GALNTL6: variants seen among roughly 807,000 people sequenced by gnomAD.
GALNTL6 encodes polypeptide N-acetylgalactosaminyltransferase like 6.
A neutral mutation model predicts 73.7 loss-of-function variants in GALNTL6; 46 were observed. The ratio of observed to expected loss-of-function variants is 0.62; its 90% confidence interval spans 0.49 to 0.80. The LOEUF (loss-of-function observed/expected upper bound fraction) is 0.80, where lower values mean the gene tolerates loss of function less well. GALNTL6 is among the 30% of genes least tolerant of loss of function. The pLI is 0.00. For missense variants in GALNTL6, 604 were observed against 755.0 expected (o/e 0.80, Z 2.34); for synonymous variants, 259 against 263.7 (o/e 0.98, Z 0.17).
At chr4:172,936,444 GAAAT>G (rs1472573715) in intron 9 of GALNTL6, among the ~76,000 whole-genome samples, 3 of 152,160 alleles carry the variant, frequency 2.0e-5, no homozygotes, top group African/African-American at 7.2e-5. Context: ...GCAAGAGAAA[GAAAT>G]AGAGTATTCA....
At chr4:172,816,288 A>G (rs1158324568) in intron 7 of GALNTL6, among the ~76,000 whole-genome samples, 1 of 152,250 alleles carries the variant, frequency 6.6e-6, no homozygotes, top group Non-Finnish European at 1.5e-5. Context: ...AAGTTTATCA[A>G]ATGTCTTAAG....
At chr4:172,083,019 T>A (rs1052756072) in intron 2 of GALNTL6, among the ~76,000 whole-genome samples, 2 of 152,200 alleles carry the variant, frequency 1.3e-5, no homozygotes, top group African/African-American at 4.8e-5. Flanking sequence ...CTTCTTCCTC[T>A]CAGCTCATAG....
At chr4:172,816,714 G>A (rs529279312) in intron 7 of GALNTL6, among the ~76,000 whole-genome samples, 1 of 152,158 alleles carries the variant, frequency 6.6e-6, no homozygotes, top group African/African-American at 2.4e-5. Flanking sequence ...AAGGGATCCT[G>A]TTTTTCAACA....
chr4:172,312,577 C>G (rs1740400049), intron 4 of GALNTL6, among the ~76,000 whole-genome samples: 1 of 152,022 alleles, frequency 6.6e-6, no homozygotes, highest in South Asian at 2.1e-4. Context: ...CCAAAAACTT[C>G]CCTATGGAAA....
intron 2 of GALNTL6, among the ~76,000 whole-genome samples, chr4:171,972,485 T>A (rs1442058392): frequency 6.6e-6 from 1 of 152,152 alleles, no homozygotes; most frequent in Admixed American, 6.5e-5. Flanking sequence ...TTTGCCTGTT[T>A]GATCAGAAAA....
intron 3 of GALNTL6, among the ~76,000 whole-genome samples, chr4:172,283,176 A>G (rs1739124583): frequency 6.6e-6 from 1 of 152,194 alleles, no homozygotes; most frequent in African/African-American, 2.4e-5. Context: ...CTCTGTAAAC[A>G]CATGAGTGAG....
At chr4:172,720,346 G>T (rs930598733) in intron 5 of GALNTL6, among the ~76,000 whole-genome samples, 2 of 150,278 alleles carry the variant, frequency 1.3e-5, no homozygotes, top group African/African-American at 5.0e-5. Flanking sequence ...CTGCTAGAGT[G>T]CTTCCCGCCC....
At chr4:172,130,384 A>G (rs920673460) in intron 2 of GALNTL6, among the ~76,000 whole-genome samples, 2 of 152,022 alleles carry the variant, frequency 1.3e-5, no homozygotes, top group Non-Finnish European at 2.9e-5. Flanking sequence ...GGTAATCTGT[A>G]AAAAGATAAT....
At chr4:172,260,895 T>C (rs1427474210) in intron 3 of GALNTL6, among the ~76,000 whole-genome samples, 1 of 151,604 alleles carries the variant, frequency 6.6e-6, no homozygotes. Flanking sequence ...GTTTATGTGA[T>C]GTATCACAAT....
At chr4:172,348,928 A>G (rs1426423317) in intron 5 of GALNTL6, among the ~76,000 whole-genome samples, 1 of 152,234 alleles carries the variant, frequency 6.6e-6, no homozygotes, top group East Asian at 1.9e-4. Context: ...GTTGCAAATT[A>G]GGTGTTGGCA....
intron 8 of GALNTL6, among the ~76,000 whole-genome samples, chr4:172,911,308 G>A (rs941892407): frequency 1.3e-5 from 2 of 152,180 alleles, no homozygotes; most frequent in African/African-American, 2.4e-5. Flanking sequence ...CTTATAAAAT[G>A]TGCTCATTGG....
At chr4:172,098,209 A>C (rs1416912643) in intron 2 of GALNTL6, among the ~76,000 whole-genome samples, 1 of 152,126 alleles carries the variant, frequency 6.6e-6, no homozygotes, top group Non-Finnish European at 1.5e-5. Context: ...CTATGTATAT[A>C]TATAGGATAT....
chr4:172,697,901 T>G (rs897185126), intron 5 of GALNTL6, among the ~76,000 whole-genome samples: 29 of 152,156 alleles, frequency 1.9e-4, no homozygotes, highest in African/African-American at 5.8e-4. Flanking sequence ...AAACATTCAG[T>G]GCCTAGTTCT....
intron 5 of GALNTL6, among the ~76,000 whole-genome samples, chr4:172,736,270 C>G (rs1736455169): frequency 2.0e-5 from 3 of 152,186 alleles, no homozygotes; most frequent in Admixed American, 6.5e-5. Context: ...ACAGACACTC[C>G]CAGAGCGACT....
At chr4:172,084,715 C>T (rs1329411120) in intron 2 of GALNTL6, among the ~76,000 whole-genome samples, 1 of 152,100 alleles carries the variant, frequency 6.6e-6, no homozygotes, top group South Asian at 2.1e-4. Flanking sequence ...TGGGATCAGG[C>T]AATTTGGCCT....
At chr4:172,584,707 A>G (rs537017865) in intron 5 of GALNTL6, among the ~76,000 whole-genome samples, 1 of 152,342 alleles carries the variant, frequency 6.6e-6, no homozygotes, top group Admixed American at 6.5e-5. Context: ...GAATGAATTC[A>G]GTTTTGAACT....
intron 7 of GALNTL6, among the ~76,000 whole-genome samples, chr4:172,834,301 C>T (rs1652904032): frequency 6.6e-6 from 1 of 152,094 alleles, no homozygotes; most frequent in Non-Finnish European, 1.5e-5. Flanking sequence ...CCACATGGCC[C>T]AGGAGTTTAG....
At chr4:172,139,231 A>T (rs1733739453) in intron 2 of GALNTL6, among the ~76,000 whole-genome samples, 1 of 152,194 alleles carries the variant, frequency 6.6e-6, no homozygotes, top group Admixed American at 6.5e-5. Flanking sequence ...TTTTATTCTT[A>T]GTTTGGTGAT....
At chr4:172,852,852 A>G (rs534492226) in intron 7 of GALNTL6, among the ~76,000 whole-genome samples, 43 of 152,208 alleles carry the variant, frequency 2.8e-4, no homozygotes, top group Non-Finnish European at 5.6e-4. Context: ...AGTTGCACCT[A>G]TCCCATGGGT....
Sources: allele counts gnomAD v4.1 joint callset (sites outside exome capture counted in the v4.1 genomes callset), GRCh38; gene constraint gnomAD v4.1.1; transcripts MANE v1.5; gene names NCBI Gene and HGNC (gene_info 2026-07-23, HGNC 2026-07-21).